Variants in NRXN1 observed in about 807,000 individuals in gnomAD.
NRXN1 encodes neurexin-1.
Under a neutral mutation model 150.9 loss-of-function variants are expected in NRXN1, and 39 were observed. The observed-to-expected ratio is 0.26, with a 90% CI of 0.20 to 0.34. The LOEUF (loss-of-function observed/expected upper bound fraction) is 0.34. Ranked by LOEUF, NRXN1 falls within the 10% of genes least tolerant of loss-of-function variation. The probability of loss-of-function intolerance (pLI) is 1.00; values close to 1 mark genes in which losing one functional copy is unlikely to be tolerated. For synonymous variants in NRXN1, 924 were observed against 757.0 expected (o/e 1.22, Z -3.62); for missense variants, 1,815 against 1,949.9 (o/e 0.93, Z 1.30).
intron 17 of NRXN1, among the ~76,000 whole-genome samples, chr2:50,320,328 A>ATATATG (rs70946901): frequency 8.7e-6 from 1 of 115,334 alleles, no homozygotes; most frequent in African/African-American, 3.2e-5. Context: ...ATATATATAT[A>ATATATG]GTATATGATT....
chr2:49,960,715 G>A (rs1675783095), intron 21 of NRXN1, among the ~76,000 whole-genome samples: 2 of 152,096 alleles, frequency 1.3e-5, no homozygotes, highest in Admixed American at 6.6e-5. Flanking sequence ...AAAAGCACCA[G>A]CACCGGCACT....
chr2:50,831,770 T>C (rs1671438334), intron 5 of NRXN1, among the ~76,000 whole-genome samples: 1 of 152,200 alleles, frequency 6.6e-6, no homozygotes, highest in Non-Finnish European at 1.5e-5. Flanking sequence ...ATAGAACTGG[T>C]GGCAGACTAT....
At chr2:50,316,993 G>A (rs898251456) in intron 17 of NRXN1, among the ~76,000 whole-genome samples, 2 of 151,820 alleles carry the variant, frequency 1.3e-5, no homozygotes, top group African/African-American at 4.8e-5. Flanking sequence ...AATAATAACT[G>A]TTTTTGGGAT....
intron 18 of NRXN1, among the ~76,000 whole-genome samples, chr2:50,231,418 T>A (rs2152871734): frequency 6.6e-6 from 1 of 152,212 alleles, no homozygotes; most frequent in African/African-American, 2.4e-5. Context: ...TGGTGTTATT[T>A]TGGGACATGT....
At chr2:49,955,885 C>A (rs577807715) in intron 21 of NRXN1, among the ~76,000 whole-genome samples, 2 of 152,006 alleles carry the variant, frequency 1.3e-5, no homozygotes, top group South Asian at 4.2e-4. Flanking sequence ...ATTCATTCAT[C>A]CATTTGTACT....
rs117027935 is a variant in NRXN1, at chr2:50,816,995, A to T, written c.832+104874T>A. On this transcript the variant is annotated intron_variant, in intron 5 of 22. Coordinates refer to ENST00000401669, the MANE Select transcript of NRXN1 (RefSeq NM_001330078.2). Reference sequence around the variant, plus strand: ...GGAGGACTCTCAGGCTATATAAATTACACAGGGCTCTCGGAGATCACAAAC... The same window carrying T: ...GGAGGACTCTCAGGCTATATAAATTTCACAGGGCTCTCGGAGATCACAAAC... Among the ~76,000 whole-genome samples, 18 of 152,218 alleles carry T rather than the reference A, an allele frequency of 1.2e-4. No individual in the cohort carries two copies. In the East Asian group the frequency reaches 3.5e-3, roughly 29 times the overall value.
intron 17 of NRXN1, among the ~76,000 whole-genome samples, chr2:50,397,467 A>T (rs1302584925): frequency 6.6e-6 from 1 of 152,126 alleles, no homozygotes; most frequent in East Asian, 1.9e-4. Context: ...TGCTAACAGC[A>T]ACGAGTAGGT....
chr2:50,163,736 G>T lies in NRXN1; in HGVS notation c.3547-72242C>A, dbSNP rs113883461. Among the ~76,000 whole-genome samples the T allele has an allele frequency of 1.2e-3, 179 of 152,138 alleles. 2 individuals are homozygous for T. Among genetic ancestry groups the T allele is most frequent in the African/African-American group, 4.1e-3 (172 of 41,502 alleles). On this transcript the variant is annotated intron_variant, in intron 18 of 22. Transcript: ENST00000401669. ...CAGTAAGCATTTACTTTTTCTTGAC[G>T]TGTGTTAACATATACACGTTTTGAT...
chr2:51,003,768 A>AAAAGTTGAC (rs1700355647), intron 2 of NRXN1, among the ~76,000 whole-genome samples: 1 of 151,976 alleles, frequency 6.6e-6, no homozygotes, highest in Non-Finnish European at 1.5e-5. Context: ...GGGAGGAAGG[A>AAAAGTTGAC]AAAGTTGACT....
intron 5 of NRXN1, among the ~76,000 whole-genome samples, chr2:50,908,478 T>C (rs532411181): frequency 6.6e-6 from 1 of 152,058 alleles, no homozygotes; most frequent in South Asian, 2.1e-4. Context: ...CTTGCTCAGA[T>C]ACCCAGGGAT....
intron 17 of NRXN1, among the ~76,000 whole-genome samples, chr2:50,269,880 T>G (rs1441983531): frequency 6.6e-6 from 1 of 152,188 alleles, no homozygotes; most frequent in Non-Finnish European, 1.5e-5. Flanking sequence ...TTTACTCTAG[T>G]TTTTCTTTCT....
At chr2:50,058,186 C>A (rs139987406) in intron 19 of NRXN1, among the ~76,000 whole-genome samples, 1 of 152,186 alleles carries the variant, frequency 6.6e-6, no homozygotes, top group African/African-American at 2.4e-5. Flanking sequence ...TTTGGAGATC[C>A]TTGCTGAGAC....
intron 21 of NRXN1, among the ~76,000 whole-genome samples, chr2:49,980,660 A>G (rs1679846060): frequency 6.6e-6 from 1 of 152,178 alleles, no homozygotes; most frequent in African/African-American, 2.4e-5. Context: ...AAATCATAGC[A>G]TTTAGAATAG....
chr2:50,294,398 T>A (rs1218017194), intron 17 of NRXN1, among the ~76,000 whole-genome samples: 1 of 152,226 alleles, frequency 6.6e-6, no homozygotes, highest in African/African-American at 2.4e-5. Context: ...TATAGATTTA[T>A]GATACTTTGT....
At chr2:50,941,919 G>A (rs1176832325) in intron 2 of NRXN1, among the ~76,000 whole-genome samples, 1 of 152,124 alleles carries the variant, frequency 6.6e-6, no homozygotes, top group African/African-American at 2.4e-5. Flanking sequence ...ATATCTCCAG[G>A]ACATTTAGTA....
At chr2:50,611,723 G>C (rs1413853144) in intron 8 of NRXN1, among the ~76,000 whole-genome samples, 1 of 152,178 alleles carries the variant, frequency 6.6e-6, no homozygotes, top group Admixed American at 6.6e-5. Context: ...ACACAGTATG[G>C]AAAATAAAGC....
chr2:50,543,914 G>A (rs1161914611), intron 9 of NRXN1, among the ~76,000 whole-genome samples: 2 of 152,136 alleles, frequency 1.3e-5, no homozygotes, highest in Non-Finnish European at 2.9e-5. Context: ...CCTTTTTCCT[G>A]GTGAGAAAAT....
intron 17 of NRXN1, among the ~76,000 whole-genome samples, chr2:50,422,978 A>G (rs1352916075): frequency 6.6e-6 from 1 of 152,200 alleles, no homozygotes; most frequent in Non-Finnish European, 1.5e-5. Flanking sequence ...ATTCCATGGA[A>G]AACGTTTTGC....
intron 2 of NRXN1, among the ~76,000 whole-genome samples, chr2:50,958,381 A>G (rs1692609063): frequency 6.6e-6 from 1 of 152,150 alleles, no homozygotes; most frequent in Non-Finnish European, 1.5e-5. Flanking sequence ...TCAGCTCTCA[A>G]AAGTTAACAT....
Sources: gnomAD v4.1 joint callset for allele counts (sites outside exome capture counted in the v4.1 genomes callset) on GRCh38, gnomAD v4.1.1 for gene constraint, MANE v1.5 for transcripts, NCBI Gene and HGNC (gene_info 2026-07-23, HGNC 2026-07-21) for gene names.